ABTB3: variants seen among roughly 807,000 people sequenced by gnomAD.
ABTB3 encodes ankyrin repeat and BTB domain containing 3.
At chr12:107,405,074 G>A in the ABTB3 span, among the ~76,000 whole-genome samples, 1 of 152,178 alleles carries the variant, frequency 6.6e-6, no homozygotes, top group Non-Finnish European at 1.5e-5. Context: ...TTCTGCTTTG[G>A]TGAGTAGATC....
At chr12:107,400,989 C>T in the ABTB3 span, among the ~76,000 whole-genome samples, 1 of 152,202 alleles carries the variant, frequency 6.6e-6, no homozygotes, top group Non-Finnish European at 1.5e-5. Context: ...CGGTCCCTAC[C>T]TCCTACCCAC....
At chr12:107,491,785 C>T in the ABTB3 span, among the ~76,000 whole-genome samples, 1 of 149,366 alleles carries the variant, frequency 6.7e-6, no homozygotes, top group East Asian at 2.0e-4. Flanking sequence ...ATCACGTCAC[C>T]GCACTCCAGC....
chr12:107,511,679 A>G, the ABTB3 span, among the ~76,000 whole-genome samples: 1 of 152,194 alleles, frequency 6.6e-6, no homozygotes, highest in Non-Finnish European at 1.5e-5. Context: ...AGCAAGTCAC[A>G]GGCTGGCCAA....
the ABTB3 span, among the ~76,000 whole-genome samples, chr12:107,434,968 G>C: frequency 4.6e-5 from 7 of 152,154 alleles, no homozygotes; most frequent in African/African-American, 1.7e-4. Flanking sequence ...GTAGGAGGTG[G>C]CCAGTTGCCT....
chr12:107,492,397 A>G, the ABTB3 span, among the ~76,000 whole-genome samples: 1 of 152,110 alleles, frequency 6.6e-6, no homozygotes. Context: ...TCTCGCAGGT[A>G]GATCAGAGAG....
chr12:107,405,079 T>C, the ABTB3 span, among the ~76,000 whole-genome samples: 88,464 of 151,972 alleles, frequency 0.58, 26,350 homozygotes, highest in East Asian at 0.71. Flanking sequence ...CTTTGGTGAG[T>C]AGATCTTAGG....
the ABTB3 span, among the ~76,000 whole-genome samples, chr12:107,618,754 G>A: frequency 6.6e-6 from 1 of 152,198 alleles, no homozygotes; most frequent in African/African-American, 2.4e-5. Flanking sequence ...ATGGATAAAG[G>A]CTGGAAATCT....
chr12:107,508,066 AGATGGATGGATGGATG>A, the ABTB3 span, among the ~76,000 whole-genome samples: 28 of 146,948 alleles, frequency 1.9e-4, no homozygotes, highest in East Asian at 5.9e-4. Flanking sequence ...AAGGGTAGAA[AGATGGATGGATGGATG>A]GATGGATGGA....
At chr12:107,482,007 C>T in the ABTB3 span, among the ~76,000 whole-genome samples, 1 of 151,666 alleles carries the variant, frequency 6.6e-6, no homozygotes, top group Admixed American at 6.6e-5. Context: ...CTGATCCAGC[C>T]CCTGTTGTTT....
chr12:107,477,651 T>C, the ABTB3 span, among the ~76,000 whole-genome samples: 1 of 152,332 alleles, frequency 6.6e-6, no homozygotes, highest in East Asian at 1.9e-4. Flanking sequence ...TTTGATTCTA[T>C]TCTATTTTAT....
the ABTB3 span, among the ~76,000 whole-genome samples, chr12:107,378,018 G>A: frequency 1.3e-5 from 2 of 152,198 alleles, no homozygotes; most frequent in Non-Finnish European, 2.9e-5. Flanking sequence ...AAGCGAAAAA[G>A]TGGGGAACAT....
chr12:107,398,343 C>T, the ABTB3 span, among the ~76,000 whole-genome samples: 3 of 152,244 alleles, frequency 2.0e-5, no homozygotes, highest in South Asian at 2.1e-4. Flanking sequence ...TAACCATGGC[C>T]GTGGGCCTGT....
chr12:107,411,517 C>T, the ABTB3 span, among the ~76,000 whole-genome samples: 1 of 152,186 alleles, frequency 6.6e-6, no homozygotes, highest in African/African-American at 2.4e-5. Context: ...GTGGGATATT[C>T]TATAGTTCTC....
At chr12:107,379,948 G>A in the ABTB3 span, among the ~76,000 whole-genome samples, 20 of 152,334 alleles carry the variant, frequency 1.3e-4, no homozygotes, top group South Asian at 3.5e-3. Flanking sequence ...ACCTCACAGT[G>A]TTGTGTCTGG....
the ABTB3 span, among the ~76,000 whole-genome samples, chr12:107,463,188 GTGA>G: frequency 2.0e-5 from 3 of 150,138 alleles, no homozygotes; most frequent in Non-Finnish European, 1.5e-5. Context: ...GTAATGATGG[GTGA>G]TGATGATGTA....
chr12:107,559,267 C>T, the ABTB3 span, among the ~76,000 whole-genome samples: 2 of 152,316 alleles, frequency 1.3e-5, no homozygotes, highest in Admixed American at 6.5e-5. Flanking sequence ...TCCTTTCTCC[C>T]GAATGGTCCC....
the ABTB3 span, among the ~76,000 whole-genome samples, chr12:107,360,930 ATT>A: frequency 5.2e-4 from 44 of 84,452 alleles, no homozygotes; most frequent in South Asian, 2.7e-3. Flanking sequence ...ATTTAATTTA[ATT>A]TTTTTTTTTT....
the ABTB3 span, among the ~76,000 whole-genome samples, chr12:107,341,033 C>T: frequency 2.0e-4 from 31 of 152,078 alleles, no homozygotes; most frequent in African/African-American, 7.0e-4. Flanking sequence ...CTGCGAACAG[C>T]GGGCCGTGGG....
the ABTB3 span, among the ~76,000 whole-genome samples, chr12:107,488,522 T>C: frequency 6.6e-6 from 1 of 152,096 alleles, no homozygotes; most frequent in African/African-American, 2.4e-5. Context: ...TAAACTATGA[T>C]TACTATCGTT....
Sources: gnomAD v4.1 joint callset for allele counts (sites outside exome capture counted in the v4.1 genomes callset) on GRCh38, gnomAD v4.1.1 for gene constraint, MANE v1.5 for transcripts, NCBI Gene and HGNC (gene_info 2026-07-23, HGNC 2026-07-21) for gene names.